The following MAF variants were observed in gnomAD, a reference collection of about 807,000 sequenced individuals.
MAF encodes the protein MAF bZIP transcription factor, also known as transcription factor Maf.
In MAF, 10 loss-of-function variants were observed where a neutral mutation model predicts 22.0. The ratio of observed to expected loss-of-function variants is 0.45; its 90% CI spans 0.28 to 0.77. The LOEUF (loss-of-function observed/expected upper bound fraction) is 0.77, where lower values mean the gene tolerates loss of function less well. MAF is among the 30% of genes least tolerant of loss of function. The probability of loss-of-function intolerance (pLI) is 0.12; values close to 1 mark genes in which losing one functional copy is unlikely to be tolerated. For synonymous variants in MAF, 337 were observed against 255.8 expected (o/e 1.32, Z -3.03); for missense variants, 544 against 548.4 (o/e 0.99, Z 0.08).
chr16:79,571,686 G>A, the MAF span, among the ~76,000 whole-genome samples: 34,032 of 151,768 alleles, frequency 0.22, 4,453 homozygotes, highest in African/African-American at 0.36. Flanking sequence ...TGCTCTCCTA[G>A]GTTCAGGCAG....
chr16:79,222,039 T>A, the MAF span, among the ~76,000 whole-genome samples: 23 of 152,146 alleles, frequency 1.5e-4, no homozygotes, highest in African/African-American at 3.9e-4. Context: ...GTCTAACAGT[T>A]GGGGCGAAGC....
chr16:79,585,175 G>A (rs1313767132), downstream of MAF, among the ~76,000 whole-genome samples: 1 of 152,126 alleles, frequency 6.6e-6, no homozygotes, highest in African/African-American at 2.4e-5. Flanking sequence ...CAAATGAAGA[G>A]GGTTCATAAT....
At chr16:79,211,054 TGTGC>T in the MAF span, among the ~76,000 whole-genome samples, 1 of 151,954 alleles carries the variant, frequency 6.6e-6, no homozygotes, top group Non-Finnish European at 1.5e-5. Flanking sequence ...TGTGTGTGTG[TGTGC>T]ATTAAATGTT....
the MAF span, among the ~76,000 whole-genome samples, chr16:79,238,816 A>C: frequency 6.6e-6 from 1 of 151,846 alleles, no homozygotes; most frequent in Non-Finnish European, 1.5e-5. Context: ...GGCAGGCAGG[A>C]TCTCTTTTTC....
the MAF span, among the ~76,000 whole-genome samples, chr16:79,327,021 C>T: frequency 6.6e-6 from 1 of 152,304 alleles, no homozygotes; most frequent in East Asian, 1.9e-4. Context: ...GTTTGGACCC[C>T]GGCATTCTGG....
the MAF span, among the ~76,000 whole-genome samples, chr16:79,454,734 G>C: frequency 3.3e-5 from 5 of 151,658 alleles, no homozygotes; most frequent in African/African-American, 9.7e-5. Context: ...TCAGCATGGT[G>C]ACCTGGAGAG....
At chr16:79,595,050 A>G (rs1425298966) in intron 1 of MAF, 13 of 1,052,122 alleles carry the variant, frequency 1.2e-5, no homozygotes, top group Non-Finnish European at 1.4e-5. Context: ...ATCTTTCATC[A>G]GATGCTTTTT....
At chr16:79,492,856 G>T in the MAF span, among the ~76,000 whole-genome samples, 1 of 152,254 alleles carries the variant, frequency 6.6e-6, no homozygotes, top group Non-Finnish European at 1.5e-5. Flanking sequence ...AGAGAGATAT[G>T]AGATCATACT....
chr16:79,263,864 A>G, the MAF span, among the ~76,000 whole-genome samples: 3 of 152,114 alleles, frequency 2.0e-5, no homozygotes, highest in African/African-American at 4.8e-5. Flanking sequence ...CTTTGTTGCC[A>G]CTTGCTCCAC....
chr16:79,416,827 T>C, the MAF span, among the ~76,000 whole-genome samples: 13 of 152,232 alleles, frequency 8.5e-5, no homozygotes, highest in Admixed American at 3.9e-4. Context: ...TTTTTGACTA[T>C]TTCTTCATGG....
the MAF span, among the ~76,000 whole-genome samples, chr16:79,224,354 G>A: frequency 4.4e-3 from 667 of 152,152 alleles, 6 homozygotes; most frequent in Middle Eastern, 3.4e-3. Flanking sequence ...TTGATGGAAC[G>A]TATCTCAAAA....
chr16:79,317,069 G>C, the MAF span, among the ~76,000 whole-genome samples: 1 of 152,052 alleles, frequency 6.6e-6, no homozygotes, highest in Non-Finnish European at 1.5e-5. Flanking sequence ...TTCAGCCCTG[G>C]ATTTTTTGTT....
the MAF span, among the ~76,000 whole-genome samples, chr16:79,423,631 C>G: frequency 6.6e-6 from 1 of 152,278 alleles, no homozygotes; most frequent in South Asian, 2.1e-4. Context: ...CAGAATTAGG[C>G]AGTTTCAACA....
At chr16:79,369,120 A>G in the MAF span, among the ~76,000 whole-genome samples, 1 of 152,220 alleles carries the variant, frequency 6.6e-6, no homozygotes, top group African/African-American at 2.4e-5. Context: ...TTTAAGCCTC[A>G]CTATCAACTC....
the MAF span, among the ~76,000 whole-genome samples, chr16:79,580,319 C>G: frequency 6.6e-6 from 1 of 152,104 alleles, no homozygotes; most frequent in South Asian, 2.1e-4. Flanking sequence ...AGGATGCTAC[C>G]AAGTGATCAA....
chr16:79,282,421 G>A, the MAF span, among the ~76,000 whole-genome samples: 109,497 of 151,904 alleles, frequency 0.72, 40,130 homozygotes, highest in Non-Finnish European at 0.77. Flanking sequence ...CAGTGATGTG[G>A]GCACTAGGGT....
the MAF span, among the ~76,000 whole-genome samples, chr16:79,530,472 G>C: frequency 7.9e-5 from 12 of 152,008 alleles, no homozygotes; most frequent in African/African-American, 2.9e-4. Flanking sequence ...TTTTATTTTT[G>C]TTTTTGGAAA....
At chr16:79,429,290 G>T in the MAF span, among the ~76,000 whole-genome samples, 1 of 152,134 alleles carries the variant, frequency 6.6e-6, no homozygotes, top group Non-Finnish European at 1.5e-5. Context: ...CCATGGGTCT[G>T]CTACCTGCTG....
chr16:79,316,544 C>G, the MAF span, among the ~76,000 whole-genome samples: 1 of 152,162 alleles, frequency 6.6e-6, no homozygotes, highest in Non-Finnish European at 1.5e-5. Flanking sequence ...ATTGCTAAAG[C>G]ATCTTTTTTT....
Sources: allele counts gnomAD v4.1 joint callset (sites outside exome capture counted in the v4.1 genomes callset), GRCh38; gene constraint gnomAD v4.1.1; transcripts MANE v1.5; gene names NCBI Gene and HGNC (gene_info 2026-07-23, HGNC 2026-07-21).